RCBTB1: variants seen among roughly 807,000 people sequenced by gnomAD.
The protein encoded by RCBTB1 is RCC1 and BTB domain-containing protein 1.
A neutral mutation model predicts 62.4 loss-of-function variants in RCBTB1; 46 were observed. The observed-to-expected ratio is 0.74, with a 90% confidence interval of 0.58 to 0.94. RCBTB1 has a LOEUF of 0.94. Among genes scored for constraint, RCBTB1 ranks in the 40% least tolerant of loss-of-function variants. RCBTB1 has a pLI of 0.00. For missense variants in RCBTB1, 565 were observed against 654.9 expected (o/e 0.86, Z 1.50); for synonymous variants, 222 against 245.8 (o/e 0.90, Z 0.91).
chr13:49,567,388 C>A, intron 2 of RCBTB1, 68 bp from the exon 3 acceptor site: 2 of 1,204,674 alleles, frequency 1.7e-6, no homozygotes, highest in Non-Finnish European at 2.3e-6. Flanking sequence ...AAAAAAAGAC[C>A]TGTTAATAAA....
intron 2 of RCBTB1, among the ~76,000 whole-genome samples, chr13:49,567,560 T>C (rs1025347132): frequency 6.6e-5 from 10 of 152,116 alleles, no homozygotes; most frequent in African/African-American, 2.4e-4. Context: ...GCCCACTTCC[T>C]AGTCAGTGCT....
At chr13:49,571,313 C>A (rs1886793) in intron 2 of RCBTB1, among the ~76,000 whole-genome samples, 1 of 151,930 alleles carries the variant, frequency 6.6e-6, no homozygotes, top group Admixed American at 6.6e-5. Context: ...ACCACTGCAC[C>A]CCAGCCTGGG....
chr13:49,549,896 G>A lies in RCBTB1; in HGVS notation c.855-248C>T. ...AGGATAGATCACACAGACCGCCGAGGAAAACTTGGAAAACAGACCAGCAAA... is the reference window on the plus strand; with the variant it reads ...AGGATAGATCACACAGACCGCCGAGAAAAACTTGGAAAACAGACCAGCAAA... On this transcript the variant is annotated intron_variant, in intron 8 of 12. Transcript: ENST00000378302. 3 of 985,364 alleles carry A rather than the reference G, an allele frequency of 3.0e-6. No individual in the cohort carries two copies. The South Asian group carries it at 1.4e-4, about 46-fold the overall frequency. The allele number at this position is 985,364 out of a possible 1,614,324, so 61.0% of individuals were successfully genotyped here.
intron 4 of RCBTB1, among the ~76,000 whole-genome samples, chr13:49,565,130 T>G (rs1962820472): frequency 6.6e-6 from 1 of 151,998 alleles, no homozygotes; most frequent in Admixed American, 6.6e-5. Context: ...TTCTCCTGCC[T>G]CAGCCTGCCG....
chr13:49,532,222 T>G lies in RCBTB1; in HGVS notation c.*1900A>C, dbSNP rs1392086869. On this transcript the variant is annotated 3_prime_UTR_variant, in exon 13 of 13. Coordinates refer to ENST00000378302, the MANE Select transcript of RCBTB1 (RefSeq NM_018191.4). ...ATAATCAAATGCTTTTTGAAAGACC[T>G]GTTCTCTTCACTGCCACACATATTC... 6.6e-6 allele frequency: 1 copy of G among 152,550 alleles called. No individual in the cohort carries two copies. Among genetic ancestry groups the G allele is most frequent in the Non-Finnish European group, 1.5e-5 (1 of 68,032 alleles). 9.4% of individuals were successfully genotyped at this position (152,550 alleles called of 1,614,324 possible).
rs138081615 is a variant in RCBTB1, at chr13:49,546,233, A to G, written c.1046-1370T>C. ...CTTTCTCCTCTTTGCTCCTGGCAAC[A>G]AGTATAGTACATCCTTTCAGAGAAG... On this transcript the variant is annotated intron_variant, in intron 9 of 12. Transcript: ENST00000378302. 2.2e-4 allele frequency: 216 copies of G among 985,414 alleles called. 3 individuals are homozygous for G. In the East Asian group the frequency reaches 0.018, roughly 83 times the overall value. 61.0% of individuals were successfully genotyped at this position (985,414 alleles called of 1,614,324 possible). A position where few individuals can be genotyped will look rare whatever the true frequency, so the allele number is the denominator to read the frequency against.
chr13:49,558,452 G>A (rs150905324), intron 5 of RCBTB1, among the ~76,000 whole-genome samples: 1,833 of 152,202 alleles, frequency 0.012, 38 homozygotes, highest in African/African-American at 0.041. Flanking sequence ...AGCACTTTGG[G>A]AGGCCGAGGC....
intron 6 of RCBTB1, among the ~76,000 whole-genome samples, chr13:49,552,653 TG>T (rs1961481254): frequency 6.6e-6 from 1 of 152,154 alleles, no homozygotes; most frequent in Non-Finnish European, 1.5e-5. Context: ...TTTTTGCTGA[TG>T]GGTAGCAAGT....
rs57586924 is a variant in RCBTB1 at position 49,563,355 on chromosome 13, C to CAAAAA, written c.277+3258_277+3262dup. ...TGACAGAGAGAGAGAGACCCTGCCT[C>CAAAAA]AAAAAAAAAAAAAAAAAAAAAAAAA... On this transcript the variant is annotated intron_variant, in intron 4 of 12. Coordinates refer to ENST00000378302, the MANE Select transcript of RCBTB1 (RefSeq NM_018191.4). 1.4e-3 allele frequency among the ~76,000 whole-genome samples: 72 copies of CAAAAA among 52,154 alleles called. 3 individuals carry two copies. Among genetic ancestry groups the CAAAAA allele is most frequent in the East Asian group, 3.6e-3 (6 of 1,652 alleles). The allele number at this position is 52,154 out of a possible 152,430, so 34.2% of individuals were successfully genotyped here.
At chr13:49,556,493 T>C (rs1170779398) in intron 5 of RCBTB1, among the ~76,000 whole-genome samples, 1 of 152,168 alleles carries the variant, frequency 6.6e-6, no homozygotes, top group African/African-American at 2.4e-5. Context: ...CCCAGCCTCA[T>C]GGAAACCATT....
intron 2 of RCBTB1, among the ~76,000 whole-genome samples, chr13:49,568,556 C>A (rs528957367): frequency 6.6e-6 from 1 of 152,104 alleles, no homozygotes; most frequent in Non-Finnish European, 1.5e-5. Context: ...ACCCTTCCCA[C>A]ACAGCGTACT....
intron 9 of RCBTB1, among the ~76,000 whole-genome samples, chr13:49,545,538 G>T (rs954796803): frequency 6.6e-6 from 1 of 152,092 alleles, no homozygotes; most frequent in Non-Finnish European, 1.5e-5. Flanking sequence ...TTGCTGTTGT[G>T]GTTATATGTT....
intron 5 of RCBTB1, among the ~76,000 whole-genome samples, chr13:49,558,408 G>A (rs1402830152): frequency 6.6e-6 from 1 of 152,120 alleles, no homozygotes; most frequent in Non-Finnish European, 1.5e-5. Context: ...AATTCACAAA[G>A]TAGGCTTGTC....
chr13:49,561,572 G>C (rs1174305047), intron 4 of RCBTB1, among the ~76,000 whole-genome samples: 1 of 152,126 alleles, frequency 6.6e-6, no homozygotes, highest in Non-Finnish European at 1.5e-5. Flanking sequence ...GACTTAAATA[G>C]AGAAATGCAT....
chr13:49,565,973 G>C (rs1385612222), intron 4 of RCBTB1, among the ~76,000 whole-genome samples: 1 of 149,720 alleles, frequency 6.7e-6, no homozygotes, highest in Non-Finnish European at 1.5e-5. Context: ...CCCCAACCTG[G>C]TGCTCTCTGA....
rs997549505 is a variant in RCBTB1 at position 49,532,244 on chromosome 13, A to G, written c.*1878T>C. On this transcript the variant is annotated 3_prime_UTR_variant, in exon 13 of 13. Transcript: ENST00000378302. ...ACCTGTTCTCTTCACTGCCACACAT[A>G]TTCATACAAATGACTTAGTAATCTA... 2.0e-5 allele frequency: 3 copies of G among 152,674 alleles called. No homozygotes were observed. Among genetic ancestry groups the G allele is most frequent in the Non-Finnish European group, 4.4e-5 (3 of 68,050 alleles). 9.5% of individuals were successfully genotyped at this position (152,674 alleles called of 1,614,324 possible).
intron 9 of RCBTB1, chr13:49,547,048 T>A: frequency 1.6e-6 from 2 of 1,227,102 alleles, no homozygotes; most frequent in Admixed American, 3.1e-5. Context: ...CAAGTCCAGG[T>A]TAAGTAGTAT....
intron 12 of RCBTB1, among the ~76,000 whole-genome samples, chr13:49,536,475 T>C (rs1463644569): frequency 6.6e-6 from 1 of 152,218 alleles, no homozygotes; most frequent in South Asian, 2.1e-4. Flanking sequence ...CATAATCTGT[T>C]CCTTTCATTC....
In RCBTB1 at chr13:49,552,665, G is replaced by A. The variant is rs533950104; in HGVS notation, c.604-380C>T. Among the ~76,000 whole-genome samples the A allele has an allele frequency of 2.6e-5, 4 of 152,250 alleles. No homozygotes were observed. The South Asian group carries it at 8.3e-4, about 32-fold the overall frequency. ...AATTTTTTGCTGATGGGTAGCAAGT[G>A]CTACAATAGGTATAATCAAGGCGCT... On this transcript the variant is annotated intron_variant, in intron 6 of 12. Coordinates refer to ENST00000378302, the MANE Select transcript of RCBTB1 (RefSeq NM_018191.4).
Sources: allele counts gnomAD v4.1 joint callset (sites outside exome capture counted in the v4.1 genomes callset), GRCh38; gene constraint gnomAD v4.1.1; transcripts MANE v1.5; gene names NCBI Gene and HGNC (gene_info 2026-07-23, HGNC 2026-07-21).